The following GNG7 variants were observed in gnomAD, a reference collection of about 807,000 sequenced individuals.
The protein encoded by GNG7 is G protein subunit gamma 7.
A neutral mutation model predicts 4.0 loss-of-function variants in GNG7; 1 was observed. The ratio of observed to expected loss-of-function variants is 0.25; its 90% CI spans 0.09 to 1.18. The LOEUF is 1.18. Among genes scored for constraint, GNG7 ranks in the 50% most tolerant of loss-of-function variants. The pLI is 0.50. For missense variants in GNG7, 86 were observed against 91.9 expected, an observed-to-expected ratio of 0.94 and a Z score of 0.26; for synonymous variants, 34 against 36.9, an observed-to-expected ratio of 0.92 and a Z score of 0.29.
At position 2,546,287 on chromosome 19, in the gene GNG7, C is replaced by T. The variant is rs975466507; in HGVS notation, c.-38+8862G>A. On this transcript the variant is annotated intron_variant, in intron 3 of 4. Coordinates refer to ENST00000382159, the MANE Select transcript of GNG7 (RefSeq NM_052847.3). The surrounding 1 kb of genome is among the most constrained non-coding windows in gnomAD (Gnocchi z 6.3). ...CTGCATGCAGAGACCCTGCACCCAG[C>T]GTGGGCACCCACCCTGCACCTGCAG... 2.6e-5 allele frequency among the ~76,000 whole-genome samples: 4 copies of T among 152,218 alleles called. No homozygotes were observed. Among genetic ancestry groups the T allele is most frequent in the African/African-American group, 7.2e-5 (3 of 41,460 alleles).
chr19:2,691,389 G>A (rs1913131603), intron 1 of GNG7, among the ~76,000 whole-genome samples: 1 of 151,620 alleles, frequency 6.6e-6, no homozygotes, highest in Non-Finnish European at 1.5e-5. Context: ...ACTAAAAATG[G>A]AAAAATTAGC....
rs760407277 is a variant in GNG7, at chr19:2,568,292, T to TACAC, written c.-77-13108_-77-13105dup. Among the ~76,000 whole-genome samples the TACAC allele has an allele frequency of 4.5e-4, 30 of 66,874 alleles. No homozygotes were observed. The East Asian group carries it at 6.1e-3, about 14-fold the overall frequency. The allele number at this position is 66,874 out of a possible 152,430, so 43.9% of individuals were successfully genotyped here. A position where few individuals can be genotyped will look rare whatever the true frequency, so the allele number is the denominator to read the frequency against. ...AGACACATATAGACTTACACACATA[T>TACAC]ACACACGCACACACATACACACGCA... On this transcript the variant is annotated intron_variant, in intron 2 of 4. Coordinates refer to ENST00000382159, the MANE Select transcript of GNG7 (RefSeq NM_052847.3).
intron 1 of GNG7, among the ~76,000 whole-genome samples, chr19:2,665,830 T>C (rs1983295939): frequency 6.6e-6 from 1 of 152,236 alleles, no homozygotes; most frequent in African/African-American, 2.4e-5. Context: ...CTTTATTATT[T>C]AGAACCTGGA....
intron 3 of GNG7, among the ~76,000 whole-genome samples, chr19:2,552,158 A>G (rs1221097843): frequency 6.6e-6 from 1 of 151,950 alleles, no homozygotes; most frequent in Non-Finnish European, 1.5e-5. Context: ...AATGGCCTCG[A>G]CTGGCCAACA....
intron 1 of GNG7, among the ~76,000 whole-genome samples, chr19:2,685,494 A>G (rs572676015): frequency 1.7e-3 from 256 of 152,052 alleles, no homozygotes; most frequent in African/African-American, 5.9e-3. Flanking sequence ...GCGTGGTGGC[A>G]TGCACCTGTG....
chr19:2,699,400 C>G (rs1488387253), intron 1 of GNG7, among the ~76,000 whole-genome samples: 2 of 152,132 alleles, frequency 1.3e-5, no homozygotes, highest in Non-Finnish European at 2.9e-5. Context: ...CCACCCACTT[C>G]GGCCTCCCAA....
rs532776387 is a variant in GNG7 at position 2,561,178 on chromosome 19, C to T, written c.-77-5990G>A. 2.0e-4 allele frequency among the ~76,000 whole-genome samples: 30 copies of T among 152,128 alleles called. No homozygotes were observed. The South Asian group carries it at 6.3e-3, about 32-fold the overall frequency. On this transcript the variant is annotated intron_variant, in intron 2 of 4. Transcript: ENST00000382159. ...CAGAGGATCATGGGACGCAGAGTCT[C>T]TTGGGGGTCCGTGGAATCCCATAAC...
intron 2 of GNG7, chr19:2,643,702 T>C (rs1982583228): frequency 2.2e-6 from 1 of 451,922 alleles, no homozygotes; most frequent in African/African-American, 2.0e-5. Flanking sequence ...GTGTCACAGC[T>C]TCACTGGGGT....
chr19:2,562,445 C>T (rs941869119), intron 2 of GNG7, among the ~76,000 whole-genome samples: 7 of 151,350 alleles, frequency 4.6e-5, no homozygotes, highest in South Asian at 4.2e-4. Context: ...CACCGCGCCC[C>T]GCTCCTTTTC....
intron 1 of GNG7, among the ~76,000 whole-genome samples, chr19:2,669,165 G>T (rs1344295667): frequency 6.6e-6 from 1 of 152,142 alleles, no homozygotes; most frequent in Non-Finnish European, 1.5e-5. Flanking sequence ...CCTATGCTGG[G>T]CAATGCTGGT....
At chr19:2,564,775 A>T (rs1391180179) in intron 2 of GNG7, among the ~76,000 whole-genome samples, 1 of 152,162 alleles carries the variant, frequency 6.6e-6, no homozygotes, top group Admixed American at 6.5e-5. Flanking sequence ...TTGATCTCAG[A>T]CTTCTGGCCT....
chr19:2,587,408 G>A (rs765567305), intron 2 of GNG7, among the ~76,000 whole-genome samples: 18 of 152,158 alleles, frequency 1.2e-4, no homozygotes, highest in Admixed American at 1.3e-4. Flanking sequence ...CGGGCACAAT[G>A]TCTTCTGATG....
At chr19:2,589,843 G>A (rs1048909017) in intron 2 of GNG7, among the ~76,000 whole-genome samples, 5 of 151,810 alleles carry the variant, frequency 3.3e-5, no homozygotes, top group South Asian at 4.2e-4. Flanking sequence ...GGCCAGTCTC[G>A]CTCTGTCGCC....
intron 2 of GNG7, among the ~76,000 whole-genome samples, chr19:2,592,333 T>TA (rs148835221): frequency 0.14 from 21,578 of 151,450 alleles, 1,663 homozygotes; most frequent in Non-Finnish European, 0.18. Context: ...GTTGCTACAT[T>TA]AAAAAAAAAT....
chr19:2,604,509 AAGCGAGGG>A (rs1270934058), intron 2 of GNG7, among the ~76,000 whole-genome samples: 1 of 131,938 alleles, frequency 7.6e-6, no homozygotes, highest in African/African-American at 2.7e-5. Flanking sequence ...GGAAGGAAGG[AAGCGAGGG>A]AGGGAGGGAG....
chr19:2,602,100 G>C (rs1223685747), intron 2 of GNG7, among the ~76,000 whole-genome samples: 2 of 152,144 alleles, frequency 1.3e-5, no homozygotes, highest in Admixed American at 1.3e-4. Flanking sequence ...ACTCTGGGAG[G>C]CCGAGATGGG....
intron 2 of GNG7, among the ~76,000 whole-genome samples, chr19:2,620,842 G>T (rs1981850696): frequency 6.6e-6 from 1 of 152,198 alleles, no homozygotes; most frequent in South Asian, 2.1e-4. Flanking sequence ...ACAGCTCTGT[G>T]CAGAGAACAG....
Position 2,614,420 on chromosome 19 carries a change from C to T in GNG7, c.-78+31804G>A, listed in dbSNP as rs1057373056. Among the ~76,000 whole-genome samples, 2 of 152,150 alleles carry T rather than the reference C, an allele frequency of 1.3e-5. No individual in the cohort carries two copies. Among genetic ancestry groups the T allele is most frequent in the South Asian group, 2.1e-4 (1 of 4,832 alleles). ...GAACATTCTCAGCCCCCCAAAAAGA[C>T]ACCCCATCCCTATCAGCTGTCACTT... On this transcript the variant is annotated intron_variant, in intron 2 of 4. Coordinates refer to ENST00000382159, the MANE Select transcript of GNG7 (RefSeq NM_052847.3). The surrounding 1 kb of genome is among the most constrained non-coding windows in gnomAD (Gnocchi z 6.0).
intron 2 of GNG7, among the ~76,000 whole-genome samples, chr19:2,584,287 TA>T (rs71337152): frequency 0.035 from 3,737 of 107,444 alleles, 67 homozygotes; most frequent in East Asian, 0.078. Context: ...CGCAAAGAAT[TA>T]AAAAAAAAAA....
Sources: allele counts gnomAD v4.1 joint callset (sites outside exome capture counted in the v4.1 genomes callset), GRCh38; gene constraint gnomAD v4.1.1; non-coding constraint Gnocchi (gnomAD v3.1); transcripts MANE v1.5; gene names NCBI Gene and HGNC (gene_info 2026-07-23, HGNC 2026-07-21).